The following ARHGAP44 variants were observed in gnomAD, a reference collection of about 807,000 sequenced individuals.
ARHGAP44 encodes Rho GTPase activating protein 44.
In ARHGAP44, 43 loss-of-function variants were observed where a neutral mutation model predicts 106.8. That is an observed-to-expected ratio of 0.40 (90% confidence interval 0.32 to 0.52). ARHGAP44 has a LOEUF of 0.52. Among genes scored for constraint, ARHGAP44 ranks in the 20% least tolerant of loss-of-function variants. ARHGAP44 has a pLI of 0.48. For missense variants in ARHGAP44, 866 were observed against 1,050.5 expected (o/e 0.82, Z 2.43); for synonymous variants, 439 against 410.3 (o/e 1.07, Z -0.85).
chr17:12,946,799 TAA>T (rs3076674), intron 10 of ARHGAP44, among the ~76,000 whole-genome samples: 1 of 147,942 alleles, frequency 6.8e-6, no homozygotes, highest in Admixed American at 6.7e-5. Context: ...AGACTCTATC[TAA>T]AAAAAAAAAG....
At chr17:12,834,293 G>A (rs563209679) in intron 1 of ARHGAP44, among the ~76,000 whole-genome samples, 225 of 152,174 alleles carry the variant, frequency 1.5e-3, no homozygotes, top group African/African-American at 5.3e-3. Context: ...TCTTCCATAT[G>A]TCTAACTGAC....
At chr17:12,931,520 G>A (rs529367683) in intron 7 of ARHGAP44, among the ~76,000 whole-genome samples, 13 of 148,496 alleles carry the variant, frequency 8.8e-5, no homozygotes, top group Middle Eastern at 3.8e-3. Context: ...TTTTTGAGAC[G>A]GAGTCTTGCT....
intron 1 of ARHGAP44, among the ~76,000 whole-genome samples, chr17:12,837,519 G>A (rs1479652442): frequency 1.3e-5 from 2 of 151,988 alleles, no homozygotes; most frequent in Non-Finnish European, 2.9e-5. Flanking sequence ...GTTGACCTGA[G>A]GAAATTTAGG....
intron 1 of ARHGAP44, among the ~76,000 whole-genome samples, chr17:12,869,319 G>A (rs2036335888): frequency 6.6e-6 from 1 of 152,170 alleles, no homozygotes; most frequent in African/African-American, 2.4e-5. Context: ...TACAAATGTA[G>A]TCATTTGGTT....
intron 6 of ARHGAP44, among the ~76,000 whole-genome samples, chr17:12,924,095 C>A (rs1003482694): frequency 6.6e-6 from 1 of 152,230 alleles, no homozygotes; most frequent in Non-Finnish European, 1.5e-5. Flanking sequence ...GACCCTCCGC[C>A]TTTCAAGACA....
At chr17:12,887,166 G>T (rs1414155438) in intron 1 of ARHGAP44, among the ~76,000 whole-genome samples, 1 of 152,044 alleles carries the variant, frequency 6.6e-6, no homozygotes, top group Non-Finnish European at 1.5e-5. Context: ...TCATAATGGT[G>T]AATTAGTCAT....
chr17:12,848,140 A>ATT (rs1482608930), intron 1 of ARHGAP44, among the ~76,000 whole-genome samples: 1 of 152,234 alleles, frequency 6.6e-6, no homozygotes, highest in Non-Finnish European at 1.5e-5. Context: ...ATAGAGACAG[A>ATT]TATCAGACTG....
chr17:12,868,533 C>A (rs193175451), intron 1 of ARHGAP44, among the ~76,000 whole-genome samples: 1 of 136,780 alleles, frequency 7.3e-6, no homozygotes, highest in East Asian at 2.2e-4. Context: ...AATCCATGTG[C>A]AATAAACTGA....
At chr17:12,802,036 G>A (rs547659800) in intron 1 of ARHGAP44, among the ~76,000 whole-genome samples, 3 of 152,254 alleles carry the variant, frequency 2.0e-5, no homozygotes, top group African/African-American at 7.2e-5. Context: ...TTAAATGTGA[G>A]AAATCTCTTA....
chr17:12,927,643 G>T (rs893449426), intron 6 of ARHGAP44, among the ~76,000 whole-genome samples: 5 of 152,066 alleles, frequency 3.3e-5, no homozygotes, highest in Non-Finnish European at 5.9e-5. Context: ...GAAACATCTG[G>T]CAACCCATGA....
rs537689975 is a variant in ARHGAP44 at position 12,828,229 on chromosome 17, T to G, written c.53+38338T>G. 1.6e-4 allele frequency among the ~76,000 whole-genome samples: 25 copies of G among 152,172 alleles called. No individual in the cohort carries two copies. In the South Asian group the frequency reaches 5.2e-3, roughly 32 times the overall value. On this transcript the variant is annotated intron_variant, in intron 1 of 20. Transcript: ENST00000379672. ...TTTCTCTTTCTTTATACCTTATATTTTTTGTTTCCCTAGATTTTTCAGAAC... is the reference window on the plus strand; with the variant it reads ...TTTCTCTTTCTTTATACCTTATATTGTTTGTTTCCCTAGATTTTTCAGAAC...
In ARHGAP44 at chr17:12,974,329, C is replaced by T. The variant is rs893523810; in HGVS notation, c.1763+19C>T. ...GCACCAGGTAAGCGCGGGCCACTGC[C>T]GTCCGGGCGGGCTGGTGTGCGGTGC... is the stretch of plus-strand genomic sequence containing the variant. On this transcript the variant is annotated intron_variant, in intron 18 of 20. Coordinates refer to ENST00000379672, the MANE Select transcript of ARHGAP44 (RefSeq NM_014859.6). 1.9e-5 allele frequency: 27 copies of T among 1,387,410 alleles called. No homozygotes were observed. Among genetic ancestry groups the T allele is most frequent in the Non-Finnish European group, 2.3e-5 (25 of 1,077,390 alleles). 85.9% of individuals were successfully genotyped at this position (1,387,410 alleles called of 1,614,324 possible).
chr17:12,855,956 A>G (rs1486228560), intron 1 of ARHGAP44, among the ~76,000 whole-genome samples: 2 of 152,248 alleles, frequency 1.3e-5, no homozygotes, highest in African/African-American at 4.8e-5. Flanking sequence ...TGCAAAAGGC[A>G]AAACAACACA....
At chr17:12,869,935 C>T (rs1351864256) in intron 1 of ARHGAP44, among the ~76,000 whole-genome samples, 4 of 151,878 alleles carry the variant, frequency 2.6e-5, no homozygotes, top group Non-Finnish European at 2.9e-5. Context: ...TATATTTTTC[C>T]AGTCTGTGAA....
intron 1 of ARHGAP44, among the ~76,000 whole-genome samples, chr17:12,823,450 G>T (rs551388871): frequency 6.6e-6 from 1 of 152,236 alleles, no homozygotes; most frequent in Admixed American, 6.5e-5. Context: ...GAAAATTGAA[G>T]CTCTGTCAGA....
At chr17:12,938,438 A>G (rs961333853) in intron 7 of ARHGAP44, among the ~76,000 whole-genome samples, 31 of 152,120 alleles carry the variant, frequency 2.0e-4, no homozygotes, top group Non-Finnish European at 4.4e-5. Context: ...TTTCAGAAAT[A>G]TATAGATCAG....
chr17:12,818,849 A>G (rs975281688), intron 1 of ARHGAP44, among the ~76,000 whole-genome samples: 2 of 151,994 alleles, frequency 1.3e-5, no homozygotes, highest in Non-Finnish European at 2.9e-5. Flanking sequence ...ATTTCTCCCC[A>G]TATTGATCTA....
chr17:12,811,803 T>A (rs1234164001), intron 1 of ARHGAP44, among the ~76,000 whole-genome samples: 3 of 152,194 alleles, frequency 2.0e-5, no homozygotes, highest in Non-Finnish European at 4.4e-5. Context: ...ATAGGCACAT[T>A]CCTCCAGTAT....
At chr17:12,886,040 G>A (rs976714866) in intron 1 of ARHGAP44, among the ~76,000 whole-genome samples, 1 of 151,806 alleles carries the variant, frequency 6.6e-6, no homozygotes, top group Non-Finnish European at 1.5e-5. Flanking sequence ...TGTACAAATG[G>A]GCCAGGGTTC....
Sources: allele counts gnomAD v4.1 joint callset (sites outside exome capture counted in the v4.1 genomes callset), GRCh38; gene constraint gnomAD v4.1.1; transcripts MANE v1.5; gene names NCBI Gene and HGNC (gene_info 2026-07-23, HGNC 2026-07-21).